ZNF81: variants seen among roughly 807,000 people sequenced by gnomAD.
ZNF81 encodes the protein zinc finger protein 81 (HFZ20).
A neutral mutation model predicts 32.3 loss-of-function variants in ZNF81; 5 were observed. That is an observed-to-expected ratio of 0.15 (90% CI 0.08 to 0.33). The LOEUF is 0.33. Ranked by LOEUF, ZNF81 falls within the 10% of genes least tolerant of loss-of-function variation. The pLI is 1.00. For missense variants in ZNF81, 379 were observed against 479.8 expected, an observed-to-expected ratio of 0.79 and a Z score of 1.96; for synonymous variants, 163 against 166.8, an observed-to-expected ratio of 0.98 and a Z score of 0.17.
chrX:47,879,778 G>T (rs1266900917), intron 2 of ZNF81, among the ~76,000 whole-genome samples: 1 of 112,048 alleles, frequency 8.9e-6, no homozygotes, highest in African/African-American at 3.2e-5. Context: ...CAGTGAGTCT[G>T]CTTTCAAGAT....
At chrX:47,843,346 TCTC>T (rs2058457624) in intron 1 of ZNF81, among the ~76,000 whole-genome samples, 1 of 110,324 alleles carries the variant, frequency 9.1e-6, no homozygotes, top group Non-Finnish European at 1.9e-5. Flanking sequence ...ATAGACATGG[TCTC>T]CTAATCAAAT....
chrX:47,871,873 G>A (rs372327148), intron 2 of ZNF81, among the ~76,000 whole-genome samples: 3 of 112,030 alleles, frequency 2.7e-5, no homozygotes, highest in African/African-American at 9.7e-5. Flanking sequence ...ACTGGGAAAT[G>A]AGCTGTCGGT....
chrX:47,849,321 C>G (rs2058483945), intron 2 of ZNF81, among the ~76,000 whole-genome samples: 1 of 111,795 alleles, frequency 8.9e-6, no homozygotes, highest in Non-Finnish European at 1.9e-5. Flanking sequence ...CACAATCCCT[C>G]TACTCCCAGA....
Position 47,916,613 on chromosome X carries a change from A to G in ZNF81, c.1967A>G (p.His656Arg), listed in dbSNP as rs1241251104. ...GFTQKSVLSM[H>R]RNIHT Reference sequence around the variant, plus strand: ...ACCCAGAAATCAGTTCTCAGTATGCATCGCAATATTCATACATGAAAGTAA... The same window carrying G: ...ACCCAGAAATCAGTTCTCAGTATGCGTCGCAATATTCATACATGAAAGTAA... Residue 656 changes from histidine to arginine, a missense_variant, in exon 5 of 5, where the codon CAT (histidine) becomes CGT (arginine). Around this residue, in one of 2 missense-constraint regions of ZNF81, gnomAD observed 102 missense variants for 173.2 expected, o/e 0.59. Transcript: ENST00000338637. 7.5e-6 allele frequency: 9 copies of G among 1,200,938 alleles called. No individual in the cohort carries two copies. Among genetic ancestry groups the G allele is most frequent in the Non-Finnish European group, 1.0e-5 (9 of 891,993 alleles).
In ZNF81 at chrX:47,849,130, C is replaced by A. The variant is rs782428085; in HGVS notation, c.54+2809C>A. 2.7e-5 allele frequency among the ~76,000 whole-genome samples: 3 copies of A among 112,056 alleles called. No homozygotes were observed. In the East Asian group the frequency reaches 8.4e-4, roughly 31 times the overall value. On this transcript the variant is annotated intron_variant, in intron 2 of 4. Transcript: ENST00000338637. Reference sequence around the variant, plus strand: ...TAGGAACATTCTTCATGTCTCCATGCACATGTGTATACCCTCTCTTAAATA... The same window carrying A: ...TAGGAACATTCTTCATGTCTCCATGAACATGTGTATACCCTCTCTTAAATA...
At chrX:47,882,406 G>A (rs2058624579) in intron 2 of ZNF81, among the ~76,000 whole-genome samples, 1 of 112,046 alleles carries the variant, frequency 8.9e-6, no homozygotes, top group East Asian at 2.8e-4. Flanking sequence ...GCTTCTGTTT[G>A]TAAAATAGCA....
chrX:47,867,807 T>C (rs1219221976), intron 2 of ZNF81, among the ~76,000 whole-genome samples: 1 of 112,006 alleles, frequency 8.9e-6, no homozygotes, highest in Non-Finnish European at 1.9e-5. Context: ...CTTTAGGAAG[T>C]CTTACCCAAT....
In ZNF81 at chrX:47,884,223, C is replaced by T. The variant is rs1356852113; in HGVS notation, c.55-3776C>T. ...TCGCGCCACTGCACTCCAGCCTGGG[C>T]GACAGAGCGAGACGTCATCTAAAAA... On this transcript the variant is annotated intron_variant, in intron 2 of 4. Coordinates refer to ENST00000338637, the MANE Select transcript of ZNF81 (RefSeq NM_007137.5). Among the ~76,000 whole-genome samples, 5 of 76,020 alleles carry T rather than the reference C, an allele frequency of 6.6e-5. No homozygotes were observed. The East Asian group carries it at 2.0e-3, about 30-fold the overall frequency. 66.0% of individuals were successfully genotyped at this position (76,020 alleles called of 115,157 possible).
At position 47,879,225 on chromosome X, in the gene ZNF81, T is replaced by C. The variant is rs2058611586; in HGVS notation, c.55-8774T>C. Among the ~76,000 whole-genome samples the C allele has an allele frequency of 2.7e-5, 3 of 111,795 alleles. No homozygotes were observed. In the Admixed American group the frequency reaches 2.9e-4, roughly 11 times the overall value. On this transcript the variant is annotated intron_variant, in intron 2 of 4. Transcript: ENST00000338637. ...GGTTCCAGGGATTAGACGATGGACATCCATGGCAGGGAGTTTGGGGGATTA... is the reference window on the plus strand; with the variant it reads ...GGTTCCAGGGATTAGACGATGGACACCCATGGCAGGGAGTTTGGGGGATTA...
chrX:47,837,041 G>T, intron 1 of ZNF81, 54 bp downstream of exon 1: 1 of 149,404 alleles, frequency 6.7e-6, no homozygotes, highest in East Asian at 1.6e-4. Context: ...GGCCAGTGAT[G>T]GAATCGTTTA....
rs367909102 is a variant in ZNF81 at position 47,887,973 on chromosome X, C to T, written c.55-26C>T. On this transcript the variant is annotated intron_variant, in intron 2 of 4. Coordinates refer to ENST00000338637, the MANE Select transcript of ZNF81 (RefSeq NM_007137.5). ...CCATCCTCCAGTGCTGATCATGTTG[C>T]CTTGAACAAGATTGTGTTGTTACAG... is the stretch of plus-strand genomic sequence containing the variant. 4 of 1,208,985 alleles carry T rather than the reference C, an allele frequency of 3.3e-6. No individual in the cohort carries two copies. In the African/African-American group the frequency reaches 7.0e-5, roughly 21 times the overall value.
intron 1 of ZNF81, among the ~76,000 whole-genome samples, chrX:47,844,623 G>A (rs2058463395): frequency 8.9e-6 from 1 of 112,453 alleles, no homozygotes; most frequent in South Asian, 3.6e-4. Flanking sequence ...TATGAATAAT[G>A]CTGCTGTAAA....
intron 4 of ZNF81, 25 bp downstream of exon 4, chrX:47,895,965 T>C: frequency 9.0e-7 from 1 of 1,109,673 alleles, no homozygotes; most frequent in Non-Finnish European, 1.2e-6. Context: ...CCCAGGCAGA[T>C]GGGGACACGA....
intron 2 of ZNF81, among the ~76,000 whole-genome samples, chrX:47,866,802 C>T (rs1240115755): frequency 2.7e-5 from 3 of 111,006 alleles, no homozygotes; most frequent in Non-Finnish European, 5.7e-5. Flanking sequence ...TACATGCATG[C>T]GTGTGTTCAT....
At chrX:47,856,152 T>C (rs1211345300) in intron 2 of ZNF81, among the ~76,000 whole-genome samples, 1 of 110,976 alleles carries the variant, frequency 9.0e-6, no homozygotes, top group Non-Finnish European at 1.9e-5. Flanking sequence ...CAAAAATGTT[T>C]TGACATCAGT....
intron 1 of ZNF81, chrX:47,842,840 G>A (rs1171413887): frequency 9.0e-6 from 1 of 111,631 alleles, no homozygotes; most frequent in Non-Finnish European, 1.9e-5. Context: ...TGGCCAAGCT[G>A]GTCTTGAACT....
At chrX:47,864,660 A>G (rs1603182196) in intron 2 of ZNF81, among the ~76,000 whole-genome samples, 3 of 112,107 alleles carry the variant, frequency 2.7e-5, no homozygotes, top group Admixed American at 9.4e-5. Context: ...GCCATCACCA[A>G]TGGATGATGG....
In ZNF81 at chrX:47,916,098, A is replaced by G; in HGVS notation, c.1452A>G (p.Gln484=). Residue 484 remains glutamine (Q), a synonymous_variant, in exon 5 of 5, where the codon CAA becomes CAG. Coordinates refer to ENST00000338637, the MANE Select transcript of ZNF81 (RefSeq NM_007137.5). ...DCGKSFPSKS[Q]LQMHKRIHTG... ...GGAAATCTTTCCCTTCTAAGTCACAACTCCAGATGCATAAGAGAATTCATA... is the reference window on the plus strand; with the variant it reads ...GGAAATCTTTCCCTTCTAAGTCACAGCTCCAGATGCATAAGAGAATTCATA... The G allele has an allele frequency of 1.7e-6, 2 of 1,211,226 alleles. No individual in the cohort carries two copies. The highest frequency in any genetic ancestry group is 1.1e-6 in the Non-Finnish European group (1 of 895,369).
intron 2 of ZNF81, 53 bp from the exon 3 acceptor site, chrX:47,887,946 C>G (rs2058648384): frequency 8.3e-7 from 1 of 1,206,010 alleles, no homozygotes; most frequent in African/African-American, 1.8e-5. Flanking sequence ...TCTGTTTTCT[C>G]TCCATCCTCC....
Sources: allele counts gnomAD v4.1 joint callset (sites outside exome capture counted in the v4.1 genomes callset), GRCh38; gene constraint gnomAD v4.1.1; regional missense constraint gnomAD v4.1.1; transcripts MANE v1.5; gene names NCBI Gene and HGNC (gene_info 2026-07-23, HGNC 2026-07-21).